NPAS3: variants seen among roughly 807,000 people sequenced by gnomAD.
The protein encoded by NPAS3 is neuronal PAS domain protein 3.
A neutral mutation model predicts 73.1 loss-of-function variants in NPAS3; 14 were observed. The ratio of observed to expected loss-of-function variants is 0.19; its 90% CI spans 0.13 to 0.30. The LOEUF (loss-of-function observed/expected upper bound fraction) is 0.30, where lower values mean the gene tolerates loss of function less well. NPAS3 is among the 10% of genes least tolerant of loss of function. NPAS3 has a pLI of 1.00. For synonymous variants in NPAS3, 620 were observed against 541.5 expected (o/e 1.14, Z -2.01); for missense variants, 1,096 against 1,250.0 (o/e 0.88, Z 1.86).
At chr14:33,202,211 G>T (rs909803345) in intron 2 of NPAS3, among the ~76,000 whole-genome samples, 13 of 152,100 alleles carry the variant, frequency 8.5e-5, no homozygotes, top group Non-Finnish European at 1.8e-4. Context: ...AGACCAGCCT[G>T]ACCAACATGG....
chr14:33,062,713 C>T (rs762645670), intron 2 of NPAS3, among the ~76,000 whole-genome samples: 1 of 152,194 alleles, frequency 6.6e-6, no homozygotes, highest in African/African-American at 2.4e-5. Context: ...CCACAACGAG[C>T]CTTTTGTAGG....
chr14:33,308,527 T>TATATATATATATATACACACACACAC, intron 3 of NPAS3, among the ~76,000 whole-genome samples: 26 of 103,692 alleles, frequency 2.5e-4, no homozygotes, highest in African/African-American at 1.1e-3. Context: ...TATATATATA[T>TATATATATATATATACACACACACAC]ACATACACAC....
chr14:33,389,394 A>G (rs946640282), intron 4 of NPAS3, among the ~76,000 whole-genome samples: 19 of 152,246 alleles, frequency 1.2e-4, no homozygotes, highest in African/African-American at 4.6e-4. Flanking sequence ...GAACACAATC[A>G]GGATAATTCA....
At chr14:33,131,608 G>A (rs1410238026) in intron 2 of NPAS3, among the ~76,000 whole-genome samples, 1 of 151,856 alleles carries the variant, frequency 6.6e-6, no homozygotes, top group Non-Finnish European at 1.5e-5. Flanking sequence ...TCCCTTTTTT[G>A]TCATCTAATA....
Position 33,372,066 on chromosome 14 carries a change from A to G in NPAS3, c.468+4798A>G, listed in dbSNP as rs182542541. Among the ~76,000 whole-genome samples, 364 of 152,318 alleles carry G rather than the reference A, an allele frequency of 2.4e-3. 3 individuals are homozygous for G. The highest frequency in any genetic ancestry group is 0.014 in the South Asian group (66 of 4,828). On this transcript the variant is annotated intron_variant, in intron 4 of 11. Coordinates refer to ENST00000356141, the Ensembl canonical transcript of NPAS3. Reference sequence around the variant, plus strand: ...ACAATGGTAATAAGAGGAAAGAATTAAAACACTTACAGTTGGAGTAAACAG... The same window carrying G: ...ACAATGGTAATAAGAGGAAAGAATTGAAACACTTACAGTTGGAGTAAACAG...
At chr14:33,487,542 T>C (rs2051671268) in intron 4 of NPAS3, among the ~76,000 whole-genome samples, 1 of 152,180 alleles carries the variant, frequency 6.6e-6, no homozygotes, top group Admixed American at 6.5e-5. Context: ...TAGAGCAAAT[T>C]ATAGTCATTT....
At chr14:33,664,806 G>T (rs2059405886) in intron 5 of NPAS3, among the ~76,000 whole-genome samples, 1 of 152,206 alleles carries the variant, frequency 6.6e-6, no homozygotes, top group Admixed American at 6.5e-5. Context: ...AAACCACAGT[G>T]AGATACCATC....
At chr14:33,480,947 A>G (rs1377107978) in intron 4 of NPAS3, among the ~76,000 whole-genome samples, 1 of 151,998 alleles carries the variant, frequency 6.6e-6, no homozygotes, top group Non-Finnish European at 1.5e-5. Context: ...ATAGGAGAGG[A>G]GGGAGAGAGA....
intron 4 of NPAS3, among the ~76,000 whole-genome samples, chr14:33,400,858 A>G (rs955025113): frequency 7.2e-5 from 11 of 151,812 alleles, no homozygotes; most frequent in Admixed American, 2.0e-4. Context: ...CCCACCAAGT[A>G]TTTCAGACCT....
At chr14:33,639,946 A>C (rs7143514) in intron 5 of NPAS3, among the ~76,000 whole-genome samples, 21,478 of 152,158 alleles carry the variant, frequency 0.14, 2,050 homozygotes, top group African/African-American at 0.28. Context: ...GGCTGGTCAC[A>C]GTGACTCACA....
intron 7 of NPAS3, among the ~76,000 whole-genome samples, chr14:33,752,802 G>C (rs971838692): frequency 2.0e-5 from 3 of 152,132 alleles, no homozygotes; most frequent in African/African-American, 7.2e-5. Context: ...GAGTTTTGGG[G>C]AGGACGGCCT....
chr14:32,970,637 G>C (rs778483826), intron 1 of NPAS3, among the ~76,000 whole-genome samples: 2 of 152,060 alleles, frequency 1.3e-5, no homozygotes, highest in Non-Finnish European at 2.9e-5. Flanking sequence ...TCAAGGTGTC[G>C]GGATCATTAA....
At chr14:33,278,775 A>G (rs1403846858) in intron 3 of NPAS3, among the ~76,000 whole-genome samples, 1 of 152,206 alleles carries the variant, frequency 6.6e-6, no homozygotes, top group African/African-American at 2.4e-5. Flanking sequence ...AGTGATATTC[A>G]ACTCAAATAT....
At chr14:33,784,900 G>A (rs540682974) in intron 9 of NPAS3, among the ~76,000 whole-genome samples, 183 of 150,248 alleles carry the variant, frequency 1.2e-3, no homozygotes, top group African/African-American at 2.1e-3. Flanking sequence ...ACAGGCATGC[G>A]CCACCACGCC....
chr14:33,050,169 C>G (rs2040653450), intron 1 of NPAS3, among the ~76,000 whole-genome samples: 1 of 152,176 alleles, frequency 6.6e-6, no homozygotes, highest in Admixed American at 6.5e-5. Context: ...TGTTTCAGAA[C>G]CTGGTCAAGT....
intron 3 of NPAS3, among the ~76,000 whole-genome samples, chr14:33,331,641 C>T (rs540648867): frequency 2.6e-5 from 4 of 151,858 alleles, no homozygotes; most frequent in Admixed American, 2.6e-4. Flanking sequence ...TTCAGATATG[C>T]TTTCAGCTGG....
intron 2 of NPAS3, among the ~76,000 whole-genome samples, chr14:33,106,860 A>G (rs1360006232): frequency 6.6e-6 from 1 of 152,248 alleles, no homozygotes; most frequent in East Asian, 1.9e-4. Flanking sequence ...AGACAGATGG[A>G]TTTCTCCCTT....
chr14:33,011,051 C>A (rs561701546), intron 1 of NPAS3, among the ~76,000 whole-genome samples: 97 of 151,718 alleles, frequency 6.4e-4, no homozygotes, highest in African/African-American at 2.2e-3. Context: ...TGAGTAATGG[C>A]AGTTACTGTG....
chr14:33,727,743 G>T (rs117544360), intron 6 of NPAS3, among the ~76,000 whole-genome samples: 4,160 of 152,146 alleles, frequency 0.027, 95 homozygotes, highest in South Asian at 0.069. Context: ...TGTGATAAAA[G>T]CATTGCCACA....
Sources: gnomAD v4.1 joint callset for allele counts (sites outside exome capture counted in the v4.1 genomes callset) on GRCh38, gnomAD v4.1.1 for gene constraint, MANE v1.5 for transcripts, NCBI Gene and HGNC (gene_info 2026-07-23, HGNC 2026-07-21) for gene names.